The following ANKRD22 variants were observed in gnomAD, a reference collection of about 807,000 sequenced individuals.
ANKRD22 encodes ankyrin repeat domain 22.
Under a neutral mutation model 25.7 loss-of-function variants are expected in ANKRD22, and 24 were observed. The ratio of observed to expected loss-of-function variants is 0.93; its 90% CI spans 0.68 to 1.31. The LOEUF is 1.31. Among genes scored for constraint, ANKRD22 ranks in the 50% most tolerant of loss-of-function variants. ANKRD22 has a pLI of 0.00. For synonymous variants in ANKRD22, 84 were observed against 84.3 expected, an observed-to-expected ratio of 1.00 and a Z score of 0.02; for missense variants, 214 against 227.1, an observed-to-expected ratio of 0.94 and a Z score of 0.37.
chr10:88,842,396 T>C (rs1373883733), intron 1 of ANKRD22, among the ~76,000 whole-genome samples: 1 of 152,122 alleles, frequency 6.6e-6, no homozygotes, highest in East Asian at 1.9e-4. Flanking sequence ...AACCAGTGTT[T>C]TAACCCATTA....
At position 88,822,544 on chromosome 10, in the gene ANKRD22, C is replaced by CTTTTTTTTTTGTTTT. The variant is rs1843808879; in HGVS notation, c.*396_*397insAAAACAAAAAAAAAA. The stretch of plus-strand genomic sequence containing the variant: ...AAAGACTGAGTTTGGAACACCAGGG[C>CTTTTTTTTTTGTTTT]TTTTTTTTTTTTTTTTTTTTTTGAG... On this transcript the variant is annotated 3_prime_UTR_variant, in exon 6 of 6. Coordinates refer to ENST00000371930, the MANE Select transcript of ANKRD22 (RefSeq NM_144590.3). 2.7e-5 allele frequency: 1 copy of CTTTTTTTTTTGTTTT among 36,438 alleles called. No homozygotes were observed. Among genetic ancestry groups the CTTTTTTTTTTGTTTT allele is most frequent in the African/African-American group, 8.0e-5 (1 of 12,514 alleles). The allele number at this position is 36,438 out of a possible 1,614,324, so 2.3% of individuals were successfully genotyped here. A position where few individuals can be genotyped will look rare whatever the true frequency, so the allele number is the denominator to read the frequency against.
At chr10:88,825,007 TCTCTCACACACACA>T (rs1332167187) in intron 4 of ANKRD22, among the ~76,000 whole-genome samples, 1 of 115,448 alleles carries the variant, frequency 8.7e-6, no homozygotes, top group Non-Finnish European at 2.0e-5. Context: ...TCTCTCTCTC[TCTCTCACACACACA>T]CACACACACA....
chr10:88,847,359 A>G (rs1844058888), intron 1 of ANKRD22, among the ~76,000 whole-genome samples: 2 of 152,102 alleles, frequency 1.3e-5, no homozygotes, highest in South Asian at 4.1e-4. Flanking sequence ...CCCAGGTTCA[A>G]GCAATTTTCC....
Position 88,851,834 on chromosome 10 carries a change from G to A in ANKRD22, c.-227C>T, listed in dbSNP as rs1221676562. On this transcript the variant is annotated 5_prime_UTR_variant, in exon 1 of 6. Transcript: ENST00000371930. Reference sequence around the variant, plus strand: ...CCAGCCCAATGAAACAAAGGCACTGGTGTCATGTGTAACGACCCAAGCCTG... The same window carrying A: ...CCAGCCCAATGAAACAAAGGCACTGATGTCATGTGTAACGACCCAAGCCTG... 7 of 558,254 alleles carry A rather than the reference G, an allele frequency of 1.3e-5. No homozygotes were observed. Among genetic ancestry groups the A allele is most frequent in the Non-Finnish European group, 2.3e-5 (7 of 309,306 alleles). The allele number at this position is 558,254 out of a possible 1,614,324, so 34.6% of individuals were successfully genotyped here. A position where few individuals can be genotyped will look rare whatever the true frequency, so the allele number is the denominator to read the frequency against.
chr10:88,842,013 C>T (rs908685152), intron 1 of ANKRD22, among the ~76,000 whole-genome samples: 5 of 152,130 alleles, frequency 3.3e-5, no homozygotes, highest in African/African-American at 1.2e-4. Context: ...TCTACACTGT[C>T]TTATTCTTAA....
chr10:88,840,894 C>T (rs548723168), intron 1 of ANKRD22, among the ~76,000 whole-genome samples: 37 of 152,124 alleles, frequency 2.4e-4, no homozygotes, highest in Non-Finnish European at 4.1e-4. Context: ...ATAAAAAAGT[C>T]GCAATAATTT....
In ANKRD22 at chr10:88,832,004, T is replaced by C. The variant is rs1427901654; in HGVS notation, c.44A>G (p.Gln15Arg). ...CCGCCACACTTGTCCAAAGTCATTCTGATAGGCTGCTTGGCAGATGGGCTG... is the reference window on the plus strand; with the variant it reads ...CCGCCACACTTGTCCAAAGTCATTCCGATAGGCTGCTTGGCAGATGGGCTG... ...YSEPICQAAY[Q>R]NDFGQVWRWV... The change falls in exon 2 of 6, where the codon CAG becomes CGG. Residue 15 changes from glutamine (Q) to arginine (R), a missense_variant. By Grantham distance (43) the Gln-to-Arg change is conservative. Transcript: ENST00000371930. 1.2e-6 allele frequency: 2 copies of C among 1,611,494 alleles called. No homozygotes were observed. Among genetic ancestry groups the C allele is most frequent in the Non-Finnish European group, 8.5e-7 (1 of 1,179,142 alleles).
intron 1 of ANKRD22, among the ~76,000 whole-genome samples, chr10:88,839,784 C>T (rs1326580068): frequency 1.3e-5 from 2 of 152,118 alleles, no homozygotes; most frequent in Admixed American, 6.6e-5. Context: ...AGAAGGTAAT[C>T]GATCATGTAA....
intron 1 of ANKRD22, among the ~76,000 whole-genome samples, chr10:88,838,467 C>A (rs1843975798): frequency 6.6e-6 from 1 of 152,100 alleles, no homozygotes; most frequent in African/African-American, 2.4e-5. Flanking sequence ...ACAGTTCGTA[C>A]ATGTGGTCTA....
At position 88,844,263 on chromosome 10, in the gene ANKRD22, C is replaced by T. The variant is rs572558674; in HGVS notation, c.21+7324G>A. 1.2e-3 allele frequency among the ~76,000 whole-genome samples: 185 copies of T among 151,906 alleles called. 1 individual carries two copies. Among genetic ancestry groups the T allele is most frequent in the African/African-American group, 4.0e-3 (168 of 41,516 alleles). On this transcript the variant is annotated intron_variant, in intron 1 of 5. Transcript: ENST00000371930. ...ATGGCTGCATGAGCAAGGGGAGTGGCGGGAAATTTGGGAAGCAAATGGGAC... is the reference window on the plus strand; with the variant it reads ...ATGGCTGCATGAGCAAGGGGAGTGGTGGGAAATTTGGGAAGCAAATGGGAC...
intron 2 of ANKRD22, among the ~76,000 whole-genome samples, chr10:88,829,110 T>C (rs10749596): frequency 0.87 from 132,032 of 152,260 alleles, 57,763 homozygotes; most frequent in East Asian, 1. Flanking sequence ...TTCCTTCATG[T>C]GCATAGTCTA....
rs1398650085 is a variant in ANKRD22 at position 88,822,920 on chromosome 10, C to T, written c.*21G>A. The T allele has an allele frequency of 1.3e-6, 2 of 1,589,394 alleles. No individual in the cohort carries two copies. The highest frequency in any genetic ancestry group is 2.2e-5 in the East Asian group (1 of 44,618). On this transcript the variant is annotated 3_prime_UTR_variant, in exon 6 of 6. Coordinates refer to ENST00000371930, the MANE Select transcript of ANKRD22 (RefSeq NM_144590.3). ...CCAGTCGTTAACTTTTTCTGTATCT[C>T]CATCGGTGTGGTCACAAGGATTACA...
intron 2 of ANKRD22, among the ~76,000 whole-genome samples, chr10:88,829,976 C>CG (rs1317297164): frequency 6.8e-6 from 1 of 147,688 alleles, no homozygotes; most frequent in African/African-American, 2.5e-5. Flanking sequence ...TGTAGAGATG[C>CG]GGGGGTCTTG....
intron 1 of ANKRD22, among the ~76,000 whole-genome samples, chr10:88,835,763 C>T (rs958698837): frequency 6.6e-6 from 1 of 152,082 alleles, no homozygotes; most frequent in Non-Finnish European, 1.5e-5. Flanking sequence ...GTCGCACTAA[C>T]GCTGAAGACT....
In ANKRD22 at chr10:88,851,627, A is replaced by C. The variant is rs1383906338; in HGVS notation, c.-20T>G. 4 of 1,613,142 alleles carry C rather than the reference A, an allele frequency of 2.5e-6. No individual in the cohort carries two copies. In the South Asian group the frequency reaches 4.4e-5, roughly 18 times the overall value. On this transcript the variant is annotated 5_prime_UTR_variant, in exon 1 of 6. Transcript: ENST00000371930. ...TCCCATGCTGGTCCTTCACAGGCTT[A>C]CTTCACCTCTACAGCTCCTTGAATC...
At chr10:88,846,051 C>T (rs2060117409) in intron 1 of ANKRD22, among the ~76,000 whole-genome samples, 1 of 152,144 alleles carries the variant, frequency 6.6e-6, no homozygotes, top group African/African-American at 2.4e-5. Context: ...ACTGGAGCCT[C>T]ATTATCAGTG....
At chr10:88,841,690 G>C (rs1214560) in intron 1 of ANKRD22, among the ~76,000 whole-genome samples, 48,311 of 151,940 alleles carry the variant, frequency 0.32, 8,009 homozygotes, top group African/African-American at 0.35. Flanking sequence ...GCAAACATAA[G>C]CAAAACTTAA....
intron 1 of ANKRD22, among the ~76,000 whole-genome samples, chr10:88,845,670 A>G (rs1844040886): frequency 6.6e-6 from 1 of 152,072 alleles, no homozygotes; most frequent in Non-Finnish European, 1.5e-5. Context: ...GAAATCTTTT[A>G]GTTAAAAATT....
At position 88,823,262 on chromosome 10, in the gene ANKRD22, C is replaced by A. The variant is rs1336547623; in HGVS notation, c.498+18G>T. On this transcript the variant is annotated intron_variant, in intron 5 of 5. Coordinates refer to ENST00000371930, the MANE Select transcript of ANKRD22 (RefSeq NM_144590.3). ...CTGCTGCTAGAGGAACCTCAGACCA[C>A]GGTCCACCCTCCCTTACCTTATTCT... 1 of 1,595,966 alleles carries A rather than the reference C, an allele frequency of 6.3e-7. No individual in the cohort carries two copies. Among genetic ancestry groups the A allele is most frequent in the Admixed American group, 1.7e-5 (1 of 59,960 alleles).
Sources: gnomAD v4.1 joint callset for allele counts (sites outside exome capture counted in the v4.1 genomes callset) on GRCh38, gnomAD v4.1.1 for gene constraint, MANE v1.5 for transcripts, NCBI Gene and HGNC (gene_info 2026-07-23, HGNC 2026-07-21) for gene names.